Variants in DLC1 observed in about 807,000 individuals in gnomAD.
DLC1 encodes DLC1 Rho GTPase activating protein, also known as rho GTPase-activating protein 7.
A neutral mutation model predicts 140.3 loss-of-function variants in DLC1; 54 were observed. The observed-to-expected ratio is 0.38, with a 90% CI of 0.31 to 0.48. The LOEUF (loss-of-function observed/expected upper bound fraction) is 0.48, where lower values mean the gene tolerates loss of function less well. Ranked by LOEUF, DLC1 falls within the 20% of genes least tolerant of loss-of-function variation. DLC1 has a pLI of 0.96. For missense variants in DLC1, 2,536 were observed against 1,907.0 expected (o/e 1.33, Z -6.14); for synonymous variants, 986 against 728.1 (o/e 1.35, Z -5.70).
intron 5 of DLC1, among the ~76,000 whole-genome samples, chr8:13,172,061 A>G (rs1585835414): frequency 6.6e-6 from 1 of 152,310 alleles, no homozygotes; most frequent in East Asian, 1.9e-4. Context: ...AACCAAAAAG[A>G]GCAATAATTG....
chr8:13,338,060 C>T (rs1833881272), intron 4 of DLC1, among the ~76,000 whole-genome samples: 1 of 152,136 alleles, frequency 6.6e-6, no homozygotes, highest in Non-Finnish European at 1.5e-5. Flanking sequence ...GGAGAGTTTT[C>T]CTCTAAGTTG....
intron 5 of DLC1, among the ~76,000 whole-genome samples, chr8:13,122,627 A>T (rs1458906550): frequency 6.6e-6 from 1 of 152,200 alleles, no homozygotes; most frequent in Non-Finnish European, 1.5e-5. Context: ...GGTTATCAGG[A>T]GTTATCTATG....
chr8:13,373,104 C>T (rs1376035974), intron 4 of DLC1, among the ~76,000 whole-genome samples: 2 of 152,172 alleles, frequency 1.3e-5, no homozygotes, highest in African/African-American at 4.8e-5. Flanking sequence ...CAGCTGCAAA[C>T]TCCTAAGCTC....
At chr8:13,546,689 T>C (rs1803659020) in intron 1 of DLC1, among the ~76,000 whole-genome samples, 3 of 152,106 alleles carry the variant, frequency 2.0e-5, no homozygotes, top group African/African-American at 7.2e-5. Flanking sequence ...AGAGTGATGG[T>C]GAAAACCAGC....
chr8:13,173,562 G>A (rs991875317), intron 5 of DLC1, among the ~76,000 whole-genome samples: 2 of 152,092 alleles, frequency 1.3e-5, no homozygotes, highest in African/African-American at 2.4e-5. Context: ...AGCAGATACG[G>A]GGTTTCACTT....
chr8:13,550,497 C>T (rs570352175), intron 1 of DLC1, among the ~76,000 whole-genome samples: 104 of 152,078 alleles, frequency 6.8e-4, no homozygotes, highest in Middle Eastern at 3.4e-3. Context: ...ACAGGCAATT[C>T]GAATTTTAAA....
At chr8:13,511,520 C>G (rs923201383) in intron 1 of DLC1, among the ~76,000 whole-genome samples, 2 of 152,128 alleles carry the variant, frequency 1.3e-5, no homozygotes, top group Non-Finnish European at 2.9e-5. Context: ...AAAGCCAAAA[C>G]AGAACCATAG....
At chr8:13,563,157 A>C (rs1020658671) in intron 1 of DLC1, among the ~76,000 whole-genome samples, 37 of 152,264 alleles carry the variant, frequency 2.4e-4, no homozygotes, top group African/African-American at 7.2e-4. Context: ...AAGTGTTAGG[A>C]AGTAAAACCT....
chr8:13,579,351 ATAT>A (rs1804976659), intron 1 of DLC1, among the ~76,000 whole-genome samples: 3 of 30,328 alleles, frequency 9.9e-5, no homozygotes, highest in Admixed American at 5.0e-4. Flanking sequence ...ATATATATAT[ATAT>A]ATATATATTT....
rs1802521812 is a variant in DLC1, at chr8:13,514,584, T to C, written c.-126+18A>G. On this transcript the variant is annotated intron_variant, in intron 1 of 17. Transcript: ENST00000276297. ...CAAAGACCGCCTCAAAGCATAAAGA[T>C]AGTCCATAGCGTCTTACCTAGACAA... 5.0e-6 allele frequency: 2 copies of C among 398,564 alleles called. No homozygotes were observed. The highest frequency in any genetic ancestry group is 3.6e-5 in the East Asian group (1 of 28,070). The allele number at this position is 398,564 out of a possible 1,614,324, so 24.7% of individuals were successfully genotyped here. A position where few individuals can be genotyped will look rare whatever the true frequency, so the allele number is the denominator to read the frequency against.
At chr8:13,291,223 C>T (rs1009314523) in intron 5 of DLC1, among the ~76,000 whole-genome samples, 3 of 152,092 alleles carry the variant, frequency 2.0e-5, no homozygotes, top group African/African-American at 7.2e-5. Flanking sequence ...GCAGACATAT[C>T]TTTAGTTGGG....
chr8:13,494,454 G>C (rs1471835368), intron 2 of DLC1, among the ~76,000 whole-genome samples: 1 of 152,142 alleles, frequency 6.6e-6, no homozygotes, highest in Non-Finnish European at 1.5e-5. Context: ...CACCCCTGTA[G>C]CCTTTTGCCT....
intron 1 of DLC1, among the ~76,000 whole-genome samples, chr8:13,547,436 C>G (rs1467558454): frequency 1.3e-5 from 2 of 151,988 alleles, no homozygotes; most frequent in African/African-American, 2.4e-5. Flanking sequence ...AAATGACTGC[C>G]TCTGTTACTC....
At chr8:13,134,614 T>C (rs1585733700) in intron 5 of DLC1, among the ~76,000 whole-genome samples, 1 of 152,294 alleles carries the variant, frequency 6.6e-6, no homozygotes, top group Non-Finnish European at 1.5e-5. Flanking sequence ...AGCGATATCT[T>C]AGTTTACATA....
intron 5 of DLC1, among the ~76,000 whole-genome samples, chr8:13,278,353 G>A (rs73560548): frequency 0.019 from 2,920 of 152,300 alleles, 86 homozygotes; most frequent in African/African-American, 0.066. Context: ...ACCTTGAAGC[G>A]TGTTGAATCA....
intron 4 of DLC1, among the ~76,000 whole-genome samples, chr8:13,369,373 A>AAAAAG (rs1163474253): frequency 6.6e-6 from 1 of 150,564 alleles, no homozygotes. Flanking sequence ...AAAAAAAAAA[A>AAAAAG]GATTACAAAT....
chr8:13,362,494 T>C (rs1183512341), intron 4 of DLC1, among the ~76,000 whole-genome samples: 2 of 152,166 alleles, frequency 1.3e-5, no homozygotes, highest in East Asian at 1.9e-4. Context: ...GAAACTCTTA[T>C]GTCGGTTAAC....
At chr8:13,316,078 G>C (rs1053662031) in intron 4 of DLC1, among the ~76,000 whole-genome samples, 4 of 152,156 alleles carry the variant, frequency 2.6e-5, no homozygotes, top group Admixed American at 2.0e-4. Context: ...AGAACAGCAC[G>C]CAGGTTGCGC....
chr8:13,227,900 A>C (rs1563181504), intron 5 of DLC1, among the ~76,000 whole-genome samples: 1 of 152,178 alleles, frequency 6.6e-6, no homozygotes, highest in Non-Finnish European at 1.5e-5. Context: ...TCTTGGTCTG[A>C]ATATTTTGAC....
Sources: allele counts gnomAD v4.1 joint callset (sites outside exome capture counted in the v4.1 genomes callset), GRCh38; gene constraint gnomAD v4.1.1; transcripts MANE v1.5; gene names NCBI Gene and HGNC (gene_info 2026-07-23, HGNC 2026-07-21).